The following MGAT4C variants were observed in gnomAD, a reference collection of about 807,000 sequenced individuals.
The protein encoded by MGAT4C is MGAT4 family member C, also known as alpha-1,3-mannosyl-glycoprotein 4-beta-N-acetylglucosaminyltransferase C.
MGAT4C carries 19 observed loss-of-function variants against 40.1 expected under a neutral mutation model. The ratio of observed to expected loss-of-function variants is 0.47; its 90% CI spans 0.33 to 0.70. The LOEUF (loss-of-function observed/expected upper bound fraction) is 0.70. Among genes scored for constraint, MGAT4C ranks in the 30% least tolerant of loss-of-function variants. The probability of loss-of-function intolerance (pLI) is 0.02; values close to 1 mark genes in which losing one functional copy is unlikely to be tolerated. For missense variants in MGAT4C, 491 were observed against 563.2 expected, an observed-to-expected ratio of 0.87 and a Z score of 1.30; for synonymous variants, 181 against 187.1, an observed-to-expected ratio of 0.97 and a Z score of 0.27.
At chr12:86,323,739 G>A (rs994818545) in intron 4 of MGAT4C, among the ~76,000 whole-genome samples, 1 of 151,612 alleles carries the variant, frequency 6.6e-6, no homozygotes, top group African/African-American at 2.4e-5. Flanking sequence ...TAACTTTATA[G>A]CTTCATGCTT....
At chr12:86,472,417 A>C (rs904467887) in intron 2 of MGAT4C, among the ~76,000 whole-genome samples, 1 of 152,154 alleles carries the variant, frequency 6.6e-6, no homozygotes. Flanking sequence ...CCTTACCTTC[A>C]CAGTTATTTC....
chr12:86,095,485 C>G (rs1406145128), intron 1 of MGAT4C, among the ~76,000 whole-genome samples: 1 of 151,804 alleles, frequency 6.6e-6, no homozygotes, highest in Non-Finnish European at 1.5e-5. Context: ...GAACATATTT[C>G]CTTTTATTAG....
At chr12:86,292,624 T>C (rs1953551992) in intron 4 of MGAT4C, among the ~76,000 whole-genome samples, 1 of 152,146 alleles carries the variant, frequency 6.6e-6, no homozygotes, top group Non-Finnish European at 1.5e-5. Flanking sequence ...TAATGTGATG[T>C]CTTTAAATTA....
chr12:86,754,047 G>A (rs931437556), intron 1 of MGAT4C, among the ~76,000 whole-genome samples: 5 of 152,104 alleles, frequency 3.3e-5, no homozygotes, highest in Non-Finnish European at 5.9e-5. Context: ...GTAAGCATTC[G>A]TAGTAGCTCT....
intron 1 of MGAT4C, among the ~76,000 whole-genome samples, chr12:86,762,893 A>G (rs1450336054): frequency 2.6e-5 from 4 of 152,204 alleles, no homozygotes; most frequent in Non-Finnish European, 5.9e-5. Context: ...AAGCAAATAC[A>G]AGAAACTCTA....
At chr12:86,246,179 C>CTTT (rs57004605) in intron 1 of MGAT4C, among the ~76,000 whole-genome samples, 171 of 70,088 alleles carry the variant, frequency 2.4e-3, no homozygotes, top group African/African-American at 2.9e-3. Flanking sequence ...TGTACCATTG[C>CTTT]TTTTTTTTTT....
intron 2 of MGAT4C, among the ~76,000 whole-genome samples, chr12:86,540,378 A>G (rs1377277159): frequency 3.3e-5 from 5 of 152,224 alleles, no homozygotes; most frequent in Admixed American, 6.5e-5. Context: ...AAGCAGGTAT[A>G]GCAGCCCAGG....
intron 2 of MGAT4C, among the ~76,000 whole-genome samples, chr12:86,604,572 C>G (rs1164464258): frequency 6.6e-6 from 1 of 152,096 alleles, no homozygotes; most frequent in Non-Finnish European, 1.5e-5. Context: ...ATGTACGTAT[C>G]TAACATGATC....
At chr12:86,688,042 G>A (rs920774294) in intron 2 of MGAT4C, among the ~76,000 whole-genome samples, 1 of 151,986 alleles carries the variant, frequency 6.6e-6, no homozygotes, top group African/African-American at 2.4e-5. Context: ...ATTTATTTAG[G>A]ATAGTTAGTT....
At chr12:86,269,570 T>G (rs1952889836) in intron 4 of MGAT4C, among the ~76,000 whole-genome samples, 1 of 151,796 alleles carries the variant, frequency 6.6e-6, no homozygotes, top group Non-Finnish European at 1.5e-5. Context: ...TTTGTTTTTT[T>G]TTTTCCTGGT....
intron 1 of MGAT4C, among the ~76,000 whole-genome samples, chr12:86,797,573 G>T (rs1461620761): frequency 6.6e-6 from 1 of 151,812 alleles, no homozygotes; most frequent in Non-Finnish European, 1.5e-5. Flanking sequence ...CAACCATGGA[G>T]ACCACAGGCA....
chr12:86,720,497 C>A (rs557908708), intron 2 of MGAT4C, among the ~76,000 whole-genome samples: 15 of 152,208 alleles, frequency 9.9e-5, no homozygotes, highest in African/African-American at 3.4e-4. Flanking sequence ...AGTACTACCC[C>A]AATTAGGTCC....
intron 2 of MGAT4C, among the ~76,000 whole-genome samples, chr12:86,480,459 T>C (rs186318397): frequency 4.9e-4 from 74 of 149,684 alleles, no homozygotes; most frequent in African/African-American, 1.7e-3. Context: ...TATAGATATG[T>C]ACACATATAC....
chr12:86,472,903 G>T lies in MGAT4C; in HGVS notation c.-228-37638C>A, dbSNP rs113481768. On this transcript the variant is annotated intron_variant, in intron 2 of 7. Coordinates refer to the MGAT4C transcript ENST00000548651. ...AATGTCTTATTGTTAGTACGGAAGAGAAATAAAATGAGAAAGAGAGGAAGG... is the reference window on the plus strand; with the variant it reads ...AATGTCTTATTGTTAGTACGGAAGATAAATAAAATGAGAAAGAGAGGAAGG... Among the ~76,000 whole-genome samples, 497 of 152,240 alleles carry T rather than the reference G, an allele frequency of 3.3e-3. 2 individuals carry two copies. The highest frequency in any genetic ancestry group is 0.012 in the African/African-American group (481 of 41,554).
chr12:86,363,029 A>G (rs917925559), intron 3 of MGAT4C, among the ~76,000 whole-genome samples: 2 of 152,158 alleles, frequency 1.3e-5, no homozygotes, highest in Non-Finnish European at 2.9e-5. Context: ...GGATCTAACA[A>G]CAGAACTTAA....
At chr12:86,301,867 A>C (rs1953820915) in intron 4 of MGAT4C, among the ~76,000 whole-genome samples, 1 of 152,246 alleles carries the variant, frequency 6.6e-6, no homozygotes, top group Non-Finnish European at 1.5e-5. Context: ...ATCAAGGTTT[A>C]TGATATATCT....
At chr12:86,664,333 TTCTG>T (rs1259926321) in intron 2 of MGAT4C, among the ~76,000 whole-genome samples, 12 of 152,170 alleles carry the variant, frequency 7.9e-5, no homozygotes, top group Admixed American at 6.6e-5. Context: ...GCAGGATTCC[TTCTG>T]TCTCTTTTCA....
At chr12:86,737,161 C>A (rs947590289) in intron 1 of MGAT4C, among the ~76,000 whole-genome samples, 14 of 151,338 alleles carry the variant, frequency 9.3e-5, no homozygotes, top group Admixed American at 6.0e-4. Context: ...TATTTTTCTA[C>A]CTATTTTCTT....
At chr12:86,166,702 A>G (rs1411743555) in intron 1 of MGAT4C, among the ~76,000 whole-genome samples, 1 of 152,198 alleles carries the variant, frequency 6.6e-6, no homozygotes, top group Non-Finnish European at 1.5e-5. Context: ...ATGGTTAGAC[A>G]TTTCTTAACA....
Sources: allele counts gnomAD v4.1 joint callset (sites outside exome capture counted in the v4.1 genomes callset), GRCh38; gene constraint gnomAD v4.1.1; transcripts MANE v1.5; gene names NCBI Gene and HGNC (gene_info 2026-07-23, HGNC 2026-07-21).